ERCC5: variants seen among roughly 807,000 people sequenced by gnomAD.
ERCC5 encodes DNA excision repair protein ERCC-5.
ERCC5 carries 68 observed loss-of-function variants against 105.6 expected under a neutral mutation model. The ratio of observed to expected loss-of-function variants is 0.64; its 90% CI spans 0.53 to 0.79. The LOEUF (loss-of-function observed/expected upper bound fraction) is 0.79. Ranked by LOEUF, ERCC5 falls within the 30% of genes least tolerant of loss-of-function variation. The probability of loss-of-function intolerance (pLI) is 0.00; values close to 1 mark genes in which losing one functional copy is unlikely to be tolerated. For missense variants in ERCC5, 1,373 were observed against 1,426.7 expected, an observed-to-expected ratio of 0.96 and a Z score of 0.61; for synonymous variants, 546 against 526.2, an observed-to-expected ratio of 1.04 and a Z score of -0.51.
rs1338259523 is a variant in ERCC5, at chr13:102,862,956, G to C, written c.1807G>C (p.Val603Leu). Reference sequence around the variant, plus strand: ...AGAGGCAGTAGATAATGTGGAAAATGTGGTGTCATTTAATGCTAAAGAGCA... The same window carrying C: ...AGAGGCAGTAGATAATGTGGAAAATCTGGTGTCATTTAATGCTAAAGAGCA... ...PSEAVDNVEN[V>L]VSFNAKEHEN... Residue 603 changes from valine to leucine, a missense_variant, in exon 8 of 15, where the codon GTG becomes CTG. Val to Leu is a conservative substitution (Grantham distance 32). Around this residue, in one of 3 missense-constraint regions of ERCC5, gnomAD observed 1,004 missense variants for 1,059.7 expected, o/e 0.95. Coordinates refer to ENST00000652225, the MANE Select transcript of ERCC5 (RefSeq NM_000123.4). The C allele has an allele frequency of 6.2e-7, 1 of 1,614,212 alleles. No homozygotes were observed.
intron 1 of ERCC5, among the ~76,000 whole-genome samples, chr13:102,850,191 G>A (rs931139464): frequency 6.6e-6 from 1 of 152,152 alleles, no homozygotes; most frequent in Non-Finnish European, 1.5e-5. Context: ...CTCCCAAAGT[G>A]CTGGGATTAC....
At chr13:102,864,553 G>C (rs1327560180) in intron 8 of ERCC5, among the ~76,000 whole-genome samples, 2 of 152,098 alleles carry the variant, frequency 1.3e-5, no homozygotes, top group African/African-American at 4.8e-5. Flanking sequence ...GGCCATTGGG[G>C]CTCCTTCTAA....
intron 1 of ERCC5, 90 bp downstream of exon 1, chr13:102,846,444 A>G (rs541624684): frequency 1.7e-6 from 2 of 1,143,778 alleles, no homozygotes; most frequent in African/African-American, 3.1e-5. Flanking sequence ...TGGCATCTGC[A>G]GGATGATGGT....
At chr13:102,857,463 C>G (rs4150293) in intron 5 of ERCC5, among the ~76,000 whole-genome samples, 162 of 152,276 alleles carry the variant, frequency 1.1e-3, no homozygotes, top group African/African-American at 3.8e-3. Flanking sequence ...AGTGACAGGT[C>G]TGTCCTACGT....
Position 102,846,320 on chromosome 13 carries a change from C to T in ERCC5, c.54C>T (p.Ser18=), listed in dbSNP as rs201240143. 5.6e-6 allele frequency: 9 copies of T among 1,614,052 alleles called. No individual in the cohort carries two copies. In the East Asian group the frequency reaches 8.9e-5, roughly 16 times the overall value. Residue 18 remains serine (S), a synonymous_variant, in exon 1 of 15, where the codon AGC becomes AGT. Coordinates refer to ENST00000652225, the MANE Select transcript of ERCC5 (RefSeq NM_000123.4). ...TGGAGTGCTCCGGGCGGCAGGTCAGCCCCGAAGCGCTGGAAGGGAAGATCC... is the reference window on the plus strand; with the variant it reads ...TGGAGTGCTCCGGGCGGCAGGTCAGTCCCGAAGCGCTGGAAGGGAAGATCC... ...KLLECSGRQV[S]PEALEGKILA...
chr13:102,854,507 C>A, intron 4 of ERCC5, 133 bp downstream of exon 4: 1 of 851,470 alleles, frequency 1.2e-6, no homozygotes, highest in Non-Finnish European at 1.8e-6. Flanking sequence ...ATGCTCTATA[C>A]CTTTCAGAAT....
rs757941863 is a variant in ERCC5, at chr13:102,875,449, C to T, written c.3107C>T (p.Ala1036Val). The T allele has an allele frequency of 3.7e-6, 6 of 1,614,152 alleles. No individual in the cohort carries two copies. The South Asian group carries it at 6.6e-5, about 18-fold the overall frequency. The change falls in exon 15 of 15, where the codon GCA becomes GTA. Residue 1036 changes from alanine (A) to valine (V), a missense_variant. Ala to Val is a moderately conservative substitution (Grantham distance 64). This residue lies in a region of ERCC5 where 367 missense variants were observed against 350.2 expected (regional missense o/e 1.05). Coordinates refer to ENST00000652225, the MANE Select transcript of ERCC5 (RefSeq NM_000123.4). Reference protein sequence around the residue: ...EKEAAASEIEAVSVAMEKEFE... With the variant: ...EKEAAASEIEVVSVAMEKEFE... The stretch of plus-strand genomic sequence containing the variant: ...GAAGCAGCAGCCAGCGAAATAGAAG[C>T]AGTTTCTGTTGCCATGGAGAAAGAA...
chr13:102,875,198 C>G, intron 14 of ERCC5, 109 bp from the exon 15 acceptor site: 2 of 1,236,966 alleles, frequency 1.6e-6, no homozygotes, highest in Non-Finnish European at 1.1e-6. Context: ...TTAATATTCT[C>G]TGACATAGTA....
Position 102,858,396 on chromosome 13 carries a change from C to T in ERCC5, c.650C>T (p.Thr217Ile), listed in dbSNP as rs1447234312. Residue 217 changes from threonine to isoleucine, a missense_variant, in exon 6 of 15, where the codon ACA becomes ATA. Around this residue, in one of 3 missense-constraint regions of ERCC5, gnomAD observed 1,004 missense variants for 1,059.7 expected, o/e 0.95. Transcript: ENST00000652225. ...AAAGAGTTCACCAAGCGCAGAAGAA[C>T]ATTATTTGAAGCAATGCCAGAGGTG... is the stretch of plus-strand genomic sequence containing the variant. ...DMKEFTKRRRTLFEAMPEESD... is the reference protein window; with the variant it reads ...DMKEFTKRRRILFEAMPEESD... 6.2e-7 allele frequency: 1 copy of T among 1,613,902 alleles called. No individual in the cohort carries two copies. Among genetic ancestry groups the T allele is most frequent in the African/African-American group, 1.3e-5 (1 of 74,880 alleles).
At chr13:102,849,611 GT>G (rs1238614389) in intron 1 of ERCC5, among the ~76,000 whole-genome samples, 8 of 152,134 alleles carry the variant, frequency 5.3e-5, no homozygotes, top group Non-Finnish European at 1.0e-4. Flanking sequence ...GTTAGGCAGT[GT>G]ACATTCATTT....
At chr13:102,873,488 T>C (rs1175482584) in intron 14 of ERCC5, 145 bp downstream of exon 14, 79 of 951,804 alleles carry the variant, frequency 8.3e-5, no homozygotes, top group Non-Finnish European at 7.9e-6. Flanking sequence ...TAGAAGAAAA[T>C]AGAAAAAGAA....
rs550903584 is a variant in ERCC5 at position 102,868,031 on chromosome 13, G to A, written c.2534-82G>A. 5.1e-5 allele frequency: 70 copies of A among 1,369,776 alleles called. No homozygotes were observed. The African/African-American group carries it at 6.4e-4, about 12-fold the overall frequency. The allele number at this position is 1,369,776 out of a possible 1,614,324, so 84.9% of individuals were successfully genotyped here. On this transcript the variant is annotated intron_variant, in intron 11 of 14. Coordinates refer to ENST00000652225, the MANE Select transcript of ERCC5 (RefSeq NM_000123.4). ...TGGATATAGATATAGATATACACAC[G>A]TACATGATTTATATAATAAAATGTT...
At position 102,850,449 on chromosome 13, in the gene ERCC5, C is replaced by T. The variant is rs140865504; in HGVS notation, c.89-1669C>T. ...CCAGTAGCAGGAAGTGAGCAGAGGC[C>T]AGATCATTCAAGGCTTCCTAGACCA... On this transcript the variant is annotated intron_variant, in intron 1 of 14. Coordinates refer to ENST00000652225, the MANE Select transcript of ERCC5 (RefSeq NM_000123.4). Among the ~76,000 whole-genome samples, 16 of 152,122 alleles carry T rather than the reference C, an allele frequency of 1.1e-4. No individual in the cohort carries two copies. In the East Asian group the frequency reaches 2.7e-3, roughly 26 times the overall value.
At chr13:102,861,769 ACT>A in intron 7 of ERCC5, 55 bp downstream of exon 7, 7 of 1,597,934 alleles carry the variant, frequency 4.4e-6, no homozygotes, top group African/African-American at 1.3e-5. Context: ...ATATATCATG[ACT>A]CTGAATTCTA....
At chr13:102,874,268 G>A (rs1050278431) in intron 14 of ERCC5, among the ~76,000 whole-genome samples, 3 of 152,004 alleles carry the variant, frequency 2.0e-5, no homozygotes, top group Non-Finnish European at 1.5e-5. Context: ...CTCTAATACA[G>A]TTGTTAACAT....
At chr13:102,856,778 A>G (rs567675843) in intron 5 of ERCC5, among the ~76,000 whole-genome samples, 1 of 152,324 alleles carries the variant, frequency 6.6e-6, no homozygotes, top group South Asian at 2.1e-4. Context: ...CCAGTCTTCC[A>G]TGCGGCCAGC....
chr13:102,867,165 G>A (rs1440012534), intron 11 of ERCC5, among the ~76,000 whole-genome samples: 1 of 152,200 alleles, frequency 6.6e-6, no homozygotes, highest in African/African-American at 2.4e-5. Context: ...CGGGTTTCTG[G>A]CACTGATCTT....
In ERCC5 at chr13:102,858,361, G is replaced by T; in HGVS notation, c.615G>T (p.Leu205Phe). Residue 205 changes from leucine to phenylalanine, a missense_variant, in exon 6 of 15, where the codon TTG (leucine) becomes TTT (phenylalanine). Physicochemically the swap from Leu to Phe is conservative, Grantham distance 22 (BLOSUM62 0). Transcript: ENST00000652225. ...SLPPEVKHEI[L>F]TDMKEFTKRR... Reference sequence around the variant, plus strand: ...CCCCTGAAGTAAAGCATGAAATCTTGACTGATATGAAAGAGTTCACCAAGC... The same window carrying T: ...CCCCTGAAGTAAAGCATGAAATCTTTACTGATATGAAAGAGTTCACCAAGC... 17 of 1,614,102 alleles carry T rather than the reference G, an allele frequency of 1.1e-5. No homozygotes were observed. Among genetic ancestry groups the T allele is most frequent in the Non-Finnish European group, 1.4e-5 (17 of 1,180,000 alleles).
rs972485660 is a variant in ERCC5, at chr13:102,865,399, A to G, written c.1955-268A>G. On this transcript the variant is annotated intron_variant, in intron 8 of 14. Transcript: ENST00000652225. The surrounding 1 kb of genome is among the most constrained non-coding windows in gnomAD (Gnocchi z 4.0). ...GTCAGTTAACTTAGAACATATTTAT[A>G]TAAAGCGAATATACAAATCTTAAGA... 4.8e-6 allele frequency: 2 copies of G among 415,366 alleles called. No homozygotes were observed. Among genetic ancestry groups the G allele is most frequent in the East Asian group, 5.2e-5 (1 of 19,294 alleles). The allele number at this position is 415,366 out of a possible 1,614,324, so 25.7% of individuals were successfully genotyped here.
Sources: allele counts gnomAD v4.1 joint callset (sites outside exome capture counted in the v4.1 genomes callset), GRCh38; gene constraint gnomAD v4.1.1; regional missense constraint gnomAD v4.1.1; non-coding constraint Gnocchi (gnomAD v3.1); transcripts MANE v1.5; gene names NCBI Gene and HGNC (gene_info 2026-07-23, HGNC 2026-07-21).